Variants in HDAC9 observed in about 807,000 individuals in gnomAD.
HDAC9 encodes histone deacetylase 9, also known as MEF-2 interacting transcription repressor (MITR) protein.
A neutral mutation model predicts 139.4 loss-of-function variants in HDAC9; 41 were observed. The observed-to-expected ratio is 0.29, with a 90% CI of 0.23 to 0.38. The LOEUF is 0.38. HDAC9 is among the 10% of genes least tolerant of loss of function. The probability of loss-of-function intolerance (pLI) is 1.00; values close to 1 mark genes in which losing one functional copy is unlikely to be tolerated. For missense variants in HDAC9, 1,147 were observed against 1,297.0 expected, an observed-to-expected ratio of 0.88 and a Z score of 1.78; for synonymous variants, 517 against 476.2, an observed-to-expected ratio of 1.09 and a Z score of -1.12.
chr7:18,988,083 G>T (rs1371377624), intron 25 of HDAC9, among the ~76,000 whole-genome samples: 1 of 152,116 alleles, frequency 6.6e-6, no homozygotes. Context: ...TCTGATTTTA[G>T]TTATTTCTTG....
intron 12 of HDAC9, among the ~76,000 whole-genome samples, chr7:18,691,704 C>T (rs1472003877): frequency 6.6e-6 from 1 of 152,040 alleles, no homozygotes; most frequent in African/African-American, 2.4e-5. Flanking sequence ...TCATAAATGG[C>T]AGTCCTTTAG....
intron 22 of HDAC9, among the ~76,000 whole-genome samples, chr7:18,886,803 A>G (rs978753125): frequency 1.3e-5 from 2 of 152,242 alleles, no homozygotes; most frequent in African/African-American, 4.8e-5. Context: ...TTTAAATAAT[A>G]GTTGATTCTC....
At chr7:18,772,485 G>T (rs1313924682) in intron 16 of HDAC9, among the ~76,000 whole-genome samples, 1 of 151,990 alleles carries the variant, frequency 6.6e-6, no homozygotes, top group Non-Finnish European at 1.5e-5. Context: ...GAAAGAGGAG[G>T]GGGTAGCATC....
At chr7:18,967,505 C>G (rs1204089874) in intron 24 of HDAC9, among the ~76,000 whole-genome samples, 1 of 137,056 alleles carries the variant, frequency 7.3e-6, no homozygotes, top group East Asian at 2.4e-4. Flanking sequence ...TGCCCCCCCC[C>G]CAAAAAAAAA....
At chr7:18,481,055 G>C (rs1240960854) in intron 1 of HDAC9, among the ~76,000 whole-genome samples, 1 of 152,022 alleles carries the variant, frequency 6.6e-6, no homozygotes, top group South Asian at 2.1e-4. Flanking sequence ...CCATCACCCC[G>C]CTTCACTGTC....
intron 11 of HDAC9, among the ~76,000 whole-genome samples, chr7:18,656,607 T>G (rs1407142937): frequency 2.0e-5 from 3 of 152,100 alleles, no homozygotes; most frequent in Non-Finnish European, 4.4e-5. Flanking sequence ...AAACAGCAAA[T>G]TTTTGAGGTT....
At chr7:18,808,038 A>G (rs1395058884) in intron 17 of HDAC9, 2 of 152,126 alleles carry the variant, frequency 1.3e-5, no homozygotes, top group Non-Finnish European at 2.9e-5. Context: ...TAATCTTGCT[A>G]CTTCTTGAGA....
intron 1 of HDAC9, among the ~76,000 whole-genome samples, chr7:18,134,775 G>A (rs1193444698): frequency 6.6e-6 from 1 of 152,100 alleles, no homozygotes; most frequent in Non-Finnish European, 1.5e-5. Flanking sequence ...AGGGATTTCA[G>A]AGGGAATTCT....
At chr7:18,873,329 A>G (rs1448342527) in intron 21 of HDAC9, among the ~76,000 whole-genome samples, 1 of 152,180 alleles carries the variant, frequency 6.6e-6, no homozygotes, top group Non-Finnish European at 1.5e-5. Context: ...AGTCACTTAC[A>G]TGTGTATTTA....
At chr7:18,196,897 C>A (rs1790766689) in intron 2 of HDAC9, among the ~76,000 whole-genome samples, 1 of 152,136 alleles carries the variant, frequency 6.6e-6, no homozygotes, top group African/African-American at 2.4e-5. Flanking sequence ...GAGTGGGCTA[C>A]AGGTTGCCCA....
intron 12 of HDAC9, among the ~76,000 whole-genome samples, chr7:18,714,911 G>A (rs989381348): frequency 3.3e-5 from 5 of 152,068 alleles, no homozygotes; most frequent in Non-Finnish European, 5.9e-5. Context: ...ATGGATATAC[G>A]AATGAAAGAA....
Position 18,935,912 on chromosome 7 carries a change from A to G in HDAC9, c.2907A>G (p.Glu969=). 6.2e-7 allele frequency: 1 copy of G among 1,613,766 alleles called. No homozygotes were observed. ...HDLTAICDAS[E]ACVNALLGNE... is the part of the protein sequence containing the mutation. ...TCACAGCCATCTGTGATGCATCAGA[A>G]GCCTGTGTAAATGCCCTTCTAGGAA... Residue 969 remains glutamate, a synonymous_variant, in exon 23 of 26, where the codon GAA becomes GAG. Coordinates refer to ENST00000686413, the MANE Select transcript of HDAC9 (RefSeq NM_178425.4).
intron 1 of HDAC9, among the ~76,000 whole-genome samples, chr7:18,485,401 T>C (rs1370143933): frequency 1.3e-5 from 2 of 151,570 alleles, no homozygotes; most frequent in Non-Finnish European, 2.9e-5. Flanking sequence ...CAGAGTGATA[T>C]TCATATGATG....
intron 24 of HDAC9, among the ~76,000 whole-genome samples, chr7:18,957,109 AGT>A (rs149605418): frequency 0.037 from 5,649 of 152,274 alleles, 159 homozygotes; most frequent in Non-Finnish European, 0.052. Context: ...GGCTCTGAAT[AGT>A]GGGTTGAGGT....
intron 6 of HDAC9, among the ~76,000 whole-genome samples, chr7:18,621,124 G>A (rs1005985432): frequency 1.3e-5 from 2 of 151,792 alleles, no homozygotes; most frequent in African/African-American, 4.8e-5. Flanking sequence ...ATAATTGCTT[G>A]GGGAAAAACA....
intron 21 of HDAC9, among the ~76,000 whole-genome samples, chr7:18,840,538 A>G (rs1444288634): frequency 6.6e-6 from 1 of 152,050 alleles, no homozygotes; most frequent in Non-Finnish European, 1.5e-5. Context: ...TTTTTATTTT[A>G]TTGACTTATG....
intron 16 of HDAC9, among the ~76,000 whole-genome samples, chr7:18,779,113 G>A (rs1397415203): frequency 6.6e-6 from 1 of 152,040 alleles, no homozygotes; most frequent in Non-Finnish European, 1.5e-5. Flanking sequence ...GACTAAAGAA[G>A]CTAAGGTGTG....
chr7:18,610,906 C>G (rs552577235), intron 6 of HDAC9, among the ~76,000 whole-genome samples: 4 of 152,218 alleles, frequency 2.6e-5, no homozygotes, highest in African/African-American at 9.6e-5. Context: ...TATTCAGAAG[C>G]AGGATTTGTG....
intron 19 of HDAC9, among the ~76,000 whole-genome samples, chr7:18,834,293 A>G (rs12540774): frequency 0.35 from 52,539 of 151,856 alleles, 9,226 homozygotes; most frequent in South Asian, 0.52. Context: ...GTAATATTCT[A>G]TTGAATACAA....
Sources: gnomAD v4.1 joint callset for allele counts (sites outside exome capture counted in the v4.1 genomes callset) on GRCh38, gnomAD v4.1.1 for gene constraint, MANE v1.5 for transcripts, NCBI Gene and HGNC (gene_info 2026-07-23, HGNC 2026-07-21) for gene names.